The following ZNF483 variants were observed in gnomAD, a reference collection of about 807,000 sequenced individuals.
ZNF483 encodes zinc finger protein HIT-10.
In ZNF483, 9 loss-of-function variants were observed where a neutral mutation model predicts 28.6. The ratio of observed to expected loss-of-function variants is 0.32; its 90% confidence interval spans 0.19 to 0.55. ZNF483 has a LOEUF of 0.55. Among genes scored for constraint, ZNF483 ranks in the 20% least tolerant of loss-of-function variants. ZNF483 has a pLI of 0.93. For missense variants in ZNF483, 675 were observed against 871.7 expected, an observed-to-expected ratio of 0.77 and a Z score of 2.84; for synonymous variants, 322 against 306.2, an observed-to-expected ratio of 1.05 and a Z score of -0.54.
At chr9:111,568,144 G>A (rs137980705) in intron 5 of ZNF483, among the ~76,000 whole-genome samples, 227 of 152,288 alleles carry the variant, frequency 1.5e-3, no homozygotes, top group African/African-American at 5.1e-3. Flanking sequence ...AACTGCCTGC[G>A]GGGTTGGGAA....
downstream of ZNF483, among the ~76,000 whole-genome samples, chr9:111,559,644 A>G (rs1323069266): frequency 7.0e-6 from 1 of 141,854 alleles, no homozygotes; most frequent in Non-Finnish European, 1.5e-5. Flanking sequence ...ACACACACAT[A>G]CAGCACACAC....
chr9:111,536,542 G>C (rs1013431410), intron 5 of ZNF483, among the ~76,000 whole-genome samples: 2 of 151,914 alleles, frequency 1.3e-5, no homozygotes, highest in Non-Finnish European at 2.9e-5. Flanking sequence ...AAAAACAAAA[G>C]TAAGTTATTA....
rs1255329199 is a variant in ZNF483 at position 111,554,211 on chromosome 9, G to A, written c.*11041G>A. On this transcript the variant is annotated 3_prime_UTR_variant, in exon 6 of 6. Transcript: ENST00000309235. ...AACTACTTAGCAAATGGAATTGATA[G>A]TTAATGGGTTTTTTGTTTGTTTGCC... Among the ~76,000 whole-genome samples, 2 of 152,174 alleles carry A rather than the reference G, an allele frequency of 1.3e-5. No homozygotes were observed. The highest frequency in any genetic ancestry group is 2.9e-5 in the Non-Finnish European group (2 of 68,032).
chr9:111,570,884 C>A (rs112570980), intron 5 of ZNF483, among the ~76,000 whole-genome samples: 1,827 of 152,188 alleles, frequency 0.012, 53 homozygotes, highest in African/African-American at 0.042. Context: ...ATGAGGGATA[C>A]AGGAAAGTTA....
intron 5 of ZNF483, among the ~76,000 whole-genome samples, chr9:111,538,250 C>T (rs1304783363): frequency 1.3e-5 from 2 of 151,250 alleles, no homozygotes; most frequent in Non-Finnish European, 2.9e-5. Context: ...CATGGCGGCT[C>T]CCACCTGTAA....
At chr9:111,539,133 A>G (rs1827603572) in intron 5 of ZNF483, among the ~76,000 whole-genome samples, 1 of 150,666 alleles carries the variant, frequency 6.6e-6, no homozygotes, top group East Asian at 1.9e-4. Context: ...AAAAAAAAAA[A>G]AAAAACCTCA....
Position 111,544,520 on chromosome 9 carries a change from G to T in ZNF483, c.*1350G>T. ...TGGGTAGCAGCTGCCACCTTTTGAT[G>T]GGGAATCAACTTTCTGACTTAGCTA... is the stretch of plus-strand genomic sequence containing the variant. On this transcript the variant is annotated 3_prime_UTR_variant, in exon 6 of 6. Transcript: ENST00000309235. 1 of 242,760 alleles carries T rather than the reference G, an allele frequency of 4.1e-6. No homozygotes were observed. Among genetic ancestry groups the T allele is most frequent in the Non-Finnish European group, 6.6e-6 (1 of 150,856 alleles). The allele number at this position is 242,760 out of a possible 1,614,324, so 15.0% of individuals were successfully genotyped here.
chr9:111,534,162 G>GT lies in ZNF483; in HGVS notation c.629-94dup, dbSNP rs1827419868. 3 of 1,075,626 alleles carry GT rather than the reference G, an allele frequency of 2.8e-6. No homozygotes were observed. In the East Asian group the frequency reaches 7.1e-5, roughly 26 times the overall value. The allele number at this position is 1,075,626 out of a possible 1,614,324, so 66.6% of individuals were successfully genotyped here. On this transcript the variant is annotated intron_variant, in intron 4 of 5. Transcript: ENST00000309235. Reference sequence around the variant, plus strand: ...TTATGTCTGTGTATTTTGGTAGCATGTTTTTATCTTCCTTGGAGAACCAGA... The same window carrying GT: ...TTATGTCTGTGTATTTTGGTAGCATGTTTTTTATCTTCCTTGGAGAACCAGA...
rs183028517 is a variant in ZNF483 at position 111,548,737 on chromosome 9, T to C, written c.*5567T>C. Among the ~76,000 whole-genome samples the C allele has an allele frequency of 1.3e-5, 2 of 152,330 alleles. No individual in the cohort carries two copies. Among genetic ancestry groups the C allele is most frequent in the Non-Finnish European group, 2.9e-5 (2 of 68,030 alleles). The stretch of plus-strand genomic sequence containing the variant: ...GTGGTCTTTTCATATTTGACCTTTA[T>C]TATGTTAAGGTAATTTCCTTTTATT... On this transcript the variant is annotated 3_prime_UTR_variant, in exon 6 of 6. Transcript: ENST00000309235.
At chr9:111,575,138 T>C (rs995481597) in intron 5 of ZNF483, among the ~76,000 whole-genome samples, 44 of 152,178 alleles carry the variant, frequency 2.9e-4, no homozygotes, top group African/African-American at 9.9e-4. Context: ...CTGTCTCTAC[T>C]AAAGATACAA....
intron 5 of ZNF483, chr9:111,576,326 C>G: frequency 6.2e-7 from 1 of 1,610,396 alleles, no homozygotes; most frequent in Non-Finnish European, 8.5e-7. Context: ...TTTGTAACCT[C>G]AAACCAGTAC....
rs1056866359 is a variant in ZNF483, at chr9:111,554,384, G to C, written c.*11214G>C. Among the ~76,000 whole-genome samples, 2 of 152,190 alleles carry C rather than the reference G, an allele frequency of 1.3e-5. No individual in the cohort carries two copies. Among genetic ancestry groups the C allele is most frequent in the African/African-American group, 4.8e-5 (2 of 41,448 alleles). ...AACTTAAAGGGAGGCTTGAAATACA[G>C]CTTTCCCCTCATTGTGGTGAGCACA... On this transcript the variant is annotated 3_prime_UTR_variant, in exon 6 of 6. Transcript: ENST00000309235.
Position 111,542,717 on chromosome 9 carries a change from T to C in ZNF483, c.1782T>C (p.Leu594=). Residue 594 remains leucine (L), a synonymous_variant, in exon 6 of 6, where the codon CTT becomes CTC. Transcript: ENST00000309235. This position sits in a 1 kb window ranked among gnomAD's most constrained non-coding sequence, Gnocchi z 6.2. ...CGKAFRQNSC[L]TRHQRIHTGE... ...AAGCCTTTAGGCAGAATTCATGCCTTACCCGGCATCAGAGAATTCACACTG... is the reference window on the plus strand; with the variant it reads ...AAGCCTTTAGGCAGAATTCATGCCTCACCCGGCATCAGAGAATTCACACTG... The C allele has an allele frequency of 6.2e-7, 1 of 1,613,734 alleles. No individual in the cohort carries two copies. The highest frequency in any genetic ancestry group is 8.5e-7 in the Non-Finnish European group (1 of 1,179,884).
chr9:111,538,284 G>T (rs1827570244), intron 5 of ZNF483, among the ~76,000 whole-genome samples: 1 of 152,070 alleles, frequency 6.6e-6, no homozygotes, highest in South Asian at 2.1e-4. Flanking sequence ...GGAGGTCAAA[G>T]CAGGAAGACC....
downstream of ZNF483, among the ~76,000 whole-genome samples, chr9:111,558,980 C>G (rs1413260130): frequency 6.6e-6 from 1 of 152,134 alleles, no homozygotes; most frequent in East Asian, 1.9e-4. Context: ...CTCCTCCATT[C>G]CTCTCAAGCT....
chr9:111,543,055 T>C lies in ZNF483; in HGVS notation c.2120T>C (p.Val707Ala). ...GATFSRSSIL[V>A]EHLKIHTGRR... ...ACCTTTAGTCGAAGCTCAATCCTTGTAGAACACCTAAAAATTCATACCGGA... is the reference window on the plus strand; with the variant it reads ...ACCTTTAGTCGAAGCTCAATCCTTGCAGAACACCTAAAAATTCATACCGGA... Residue 707 changes from valine (V) to alanine (A), a missense_variant, in exon 6 of 6, where the codon GTA (valine) becomes GCA (alanine). This residue lies in a region of ZNF483 where 55 missense variants were observed against 72.4 expected (regional missense o/e 0.76). Coordinates refer to ENST00000309235, the MANE Select transcript of ZNF483 (RefSeq NM_133464.5). The C allele has an allele frequency of 6.2e-7, 1 of 1,614,096 alleles. No homozygotes were observed. The highest frequency in any genetic ancestry group is 8.5e-7 in the Non-Finnish European group (1 of 1,179,996).
In ZNF483 at chr9:111,554,986, T is replaced by C. The variant is rs1253102422; in HGVS notation, c.*11816T>C. Among the ~76,000 whole-genome samples the C allele has an allele frequency of 6.6e-6, 1 of 152,106 alleles. No homozygotes were observed. Among genetic ancestry groups the C allele is most frequent in the Non-Finnish European group, 1.5e-5 (1 of 68,002 alleles). ...TTGAGAAGTGTAATTTCTCCAGAGG[T>C]CTGCTCTTTAATTTCCCCAGAGAAG... On this transcript the variant is annotated 3_prime_UTR_variant, in exon 6 of 6. Coordinates refer to ENST00000309235, the MANE Select transcript of ZNF483 (RefSeq NM_133464.5).
rs1200628975 is a variant in ZNF483, at chr9:111,552,974, TA to T, written c.*9805del. On this transcript the variant is annotated 3_prime_UTR_variant, in exon 6 of 6. Coordinates refer to ENST00000309235, the MANE Select transcript of ZNF483 (RefSeq NM_133464.5). ...TCATCTCTCCATCTAAGGTTCTTTG[TA>T]GATGCATGTGTAAGAAGCTATTTTA... Among the ~76,000 whole-genome samples the T allele has an allele frequency of 6.6e-6, 1 of 152,202 alleles. No homozygotes were observed. The highest frequency in any genetic ancestry group is 1.9e-4 in the East Asian group (1 of 5,196).
rs747306935 is a variant in ZNF483 at position 111,574,827 on chromosome 9, A to T, written c.722-1538A>T. On this transcript the variant is annotated intron_variant, in intron 5 of 5. Transcript: ENST00000358151. ...TTCATCTGGCCGATAACAGTGTTTG[A>T]AAACTCTCCACCTACCTAAACAGAT... 4 of 1,613,452 alleles carry T rather than the reference A, an allele frequency of 2.5e-6. No individual in the cohort carries two copies. The South Asian group carries it at 4.4e-5, about 18-fold the overall frequency.
Sources: allele counts gnomAD v4.1 joint callset (sites outside exome capture counted in the v4.1 genomes callset), GRCh38; gene constraint gnomAD v4.1.1; regional missense constraint gnomAD v4.1.1; non-coding constraint Gnocchi (gnomAD v3.1); transcripts MANE v1.5; gene names NCBI Gene and HGNC (gene_info 2026-07-23, HGNC 2026-07-21).